Variants in NEGR1 observed in about 807,000 individuals in gnomAD.
The protein encoded by NEGR1 is neuronal growth regulator 1, also known as IgLON family member 4.
In NEGR1, 10 loss-of-function variants were observed where a neutral mutation model predicts 40.9. The observed-to-expected ratio is 0.24, with a 90% CI of 0.15 to 0.42. NEGR1 has a LOEUF of 0.42. NEGR1 is among the 10% of genes least tolerant of loss of function. NEGR1 has a pLI of 1.00. For synonymous variants in NEGR1, 185 were observed against 166.8 expected, an observed-to-expected ratio of 1.11 and a Z score of -0.84; for missense variants, 352 against 438.9, an observed-to-expected ratio of 0.80 and a Z score of 1.77.
chr1:71,584,932 C>T (rs919879890), intron 6 of NEGR1, among the ~76,000 whole-genome samples: 1 of 152,100 alleles, frequency 6.6e-6, no homozygotes, highest in Non-Finnish European at 1.5e-5. Context: ...AAATAGCAAG[C>T]AAGAATGTCT....
intron 6 of NEGR1, among the ~76,000 whole-genome samples, chr1:71,456,821 A>C (rs1646676267): frequency 6.6e-6 from 1 of 152,220 alleles, no homozygotes; most frequent in Non-Finnish European, 1.5e-5. Flanking sequence ...TATTTTCTGC[A>C]CATTTCTATG....
At chr1:71,684,145 C>T (rs960774497) in intron 4 of NEGR1, among the ~76,000 whole-genome samples, 1 of 151,984 alleles carries the variant, frequency 6.6e-6, no homozygotes, top group Non-Finnish European at 1.5e-5. Flanking sequence ...TGGTGGGCGC[C>T]TGTAGTCCCA....
chr1:71,719,860 G>A (rs1295330137), intron 3 of NEGR1, among the ~76,000 whole-genome samples: 1 of 151,998 alleles, frequency 6.6e-6, no homozygotes, highest in Non-Finnish European at 1.5e-5. Context: ...AGACCAATGT[G>A]AGATAAGCAG....
intron 6 of NEGR1, among the ~76,000 whole-genome samples, chr1:71,572,043 C>G (rs1299013083): frequency 6.6e-6 from 1 of 152,026 alleles, no homozygotes; most frequent in Non-Finnish European, 1.5e-5. Flanking sequence ...TTTAATTTTT[C>G]AAATTAGCTC....
intron 6 of NEGR1, among the ~76,000 whole-genome samples, chr1:71,543,477 T>A (rs553738442): frequency 1.3e-5 from 2 of 151,776 alleles, no homozygotes; most frequent in Non-Finnish European, 2.9e-5. Flanking sequence ...GATATGTGCT[T>A]TCCTGACCAT....
At chr1:71,970,505 A>G (rs1646246941) in intron 1 of NEGR1, among the ~76,000 whole-genome samples, 1 of 152,072 alleles carries the variant, frequency 6.6e-6, no homozygotes, top group Admixed American at 6.6e-5. Flanking sequence ...AGATTGGCCA[A>G]CATGGTGAAA....
chr1:71,895,254 T>C (rs1040275636), intron 2 of NEGR1, among the ~76,000 whole-genome samples: 2 of 152,200 alleles, frequency 1.3e-5, no homozygotes, highest in East Asian at 3.9e-4. Context: ...ACAGAGCTTT[T>C]CAAATATTAT....
chr1:72,279,885 T>C (rs145037171), intron 1 of NEGR1, among the ~76,000 whole-genome samples: 307 of 152,266 alleles, frequency 2.0e-3, no homozygotes, highest in African/African-American at 6.8e-3. Context: ...CTACAGACAA[T>C]GTAAGAAGTT....
intron 6 of NEGR1, among the ~76,000 whole-genome samples, chr1:71,432,367 T>C (rs914072538): frequency 2.6e-5 from 4 of 152,344 alleles, no homozygotes; most frequent in Middle Eastern, 3.4e-3. Flanking sequence ...TTATACATAG[T>C]TTTTGCTATG....
At chr1:71,960,398 A>C (rs1010869947) in intron 1 of NEGR1, among the ~76,000 whole-genome samples, 9 of 152,188 alleles carry the variant, frequency 5.9e-5, no homozygotes, top group African/African-American at 2.2e-4. Context: ...TCAAGATATA[A>C]CAAGGTATTT....
chr1:71,642,209 A>G (rs942417181), intron 4 of NEGR1, among the ~76,000 whole-genome samples: 1 of 151,952 alleles, frequency 6.6e-6, no homozygotes, highest in Non-Finnish European at 1.5e-5. Context: ...TCAGCTGTTT[A>G]TTGTGTAAGT....
intron 1 of NEGR1, among the ~76,000 whole-genome samples, chr1:71,980,597 T>C (rs1646346173): frequency 6.6e-6 from 1 of 152,158 alleles, no homozygotes; most frequent in Non-Finnish European, 1.5e-5. Flanking sequence ...AAAAGTCCCT[T>C]TAATGTAACC....
At chr1:71,823,952 G>A (rs187552646) in intron 2 of NEGR1, among the ~76,000 whole-genome samples, 94 of 152,128 alleles carry the variant, frequency 6.2e-4, no homozygotes, top group African/African-American at 1.9e-3. Context: ...ATAACTGTGC[G>A]TCTGACTGAA....
At chr1:72,109,977 T>A (rs1056994544) in intron 1 of NEGR1, among the ~76,000 whole-genome samples, 7 of 151,594 alleles carry the variant, frequency 4.6e-5, no homozygotes, top group Non-Finnish European at 7.4e-5. Context: ...TATTTAGGAA[T>A]CCACAGTGTA....
chr1:72,069,939 T>C (rs920564670), intron 1 of NEGR1, among the ~76,000 whole-genome samples: 2 of 152,144 alleles, frequency 1.3e-5, no homozygotes, highest in Admixed American at 1.3e-4. Flanking sequence ...AGTATATCTA[T>C]CTGTTTTTTG....
chr1:71,431,506 ATATT>A (rs200300419), intron 6 of NEGR1, among the ~76,000 whole-genome samples: 2,523 of 149,790 alleles, frequency 0.017, 84 homozygotes, highest in African/African-American at 0.059. Context: ...AAGAGGATCA[ATATT>A]TATTTATTTA....
chr1:71,959,306 T>A (rs1207099753), intron 1 of NEGR1, among the ~76,000 whole-genome samples: 3 of 152,208 alleles, frequency 2.0e-5, no homozygotes, highest in Non-Finnish European at 4.4e-5. Context: ...GGACCAGTCA[T>A]CCTGTATGAC....
At chr1:72,263,274 A>G (rs1279109058) in intron 1 of NEGR1, among the ~76,000 whole-genome samples, 2 of 151,754 alleles carry the variant, frequency 1.3e-5, no homozygotes, top group African/African-American at 4.8e-5. Context: ...TAATCTCAAA[A>G]GGCAATTAAC....
At position 71,759,897 on chromosome 1, in the gene NEGR1, C is replaced by T. The variant is rs542048661; in HGVS notation, c.535+16275G>A. The stretch of plus-strand genomic sequence containing the variant: ...TTACTGGGATTACAGGCATGAACCA[C>T]CGTGGCTGGCCCAAGATAATAACTT... On this transcript the variant is annotated intron_variant, in intron 3 of 6. Coordinates refer to ENST00000357731, the MANE Select transcript of NEGR1 (RefSeq NM_173808.3). Among the ~76,000 whole-genome samples the T allele has an allele frequency of 5.9e-5, 9 of 152,044 alleles. No individual in the cohort carries two copies. In the East Asian group the frequency reaches 1.7e-3, roughly 30 times the overall value.
Sources: allele counts gnomAD v4.1 joint callset (sites outside exome capture counted in the v4.1 genomes callset), GRCh38; gene constraint gnomAD v4.1.1; transcripts MANE v1.5; gene names NCBI Gene and HGNC (gene_info 2026-07-23, HGNC 2026-07-21).